The following LRRIQ1 variants were observed in gnomAD, a reference collection of about 807,000 sequenced individuals.
LRRIQ1 encodes leucine-rich repeat- and IQ domain-containing protein 1.
Under a neutral mutation model 211.9 loss-of-function variants are expected in LRRIQ1, and 210 were observed. The observed-to-expected ratio is 0.99, with a 90% CI of 0.89 to 1.11. The LOEUF is 1.11. LRRIQ1 is among the 50% of genes most tolerant of loss of function. The pLI is 0.00. For synonymous variants in LRRIQ1, 699 were observed against 650.1 expected, an observed-to-expected ratio of 1.08 and a Z score of -1.14; for missense variants, 2,136 against 1,939.5, an observed-to-expected ratio of 1.10 and a Z score of -1.90.
Position 85,056,282 on chromosome 12 carries a change from G to A in LRRIQ1, c.1489G>A (p.Val497Ile). 1.3e-6 allele frequency: 2 copies of A among 1,583,548 alleles called. No individual in the cohort carries two copies. Among genetic ancestry groups the A allele is most frequent in the East Asian group, 2.3e-5 (1 of 44,340 alleles). Residue 497 changes from valine to isoleucine, a missense_variant, in exon 8 of 27, where the codon GTC (valine) becomes ATC (isoleucine). By Grantham distance (29) the Val-to-Ile change is conservative (BLOSUM62 3). Coordinates refer to ENST00000393217, the MANE Select transcript of LRRIQ1 (RefSeq NM_001079910.2). ...LAKKRCSEEL[V>I]KQERKYENTD... is the part of the protein sequence containing the mutation. ...AAAAAAACGATGTTCAGAAGAATTG[G>A]TCAAGCAAGAAAGAAAATATGAAAA...
chr12:85,116,391 G>A (rs1366267160), intron 15 of LRRIQ1, among the ~76,000 whole-genome samples: 1 of 152,118 alleles, frequency 6.6e-6, no homozygotes, highest in African/African-American at 2.4e-5. Context: ...TGATCCGCCC[G>A]CCTCGGCCTC....
In LRRIQ1 at chr12:85,201,122, C is replaced by T. The variant is rs1961049; in HGVS notation, c.4823-28395C>T. Among the ~76,000 whole-genome samples, 755 of 152,162 alleles carry T rather than the reference C, an allele frequency of 5.0e-3. 3 individuals are homozygous for T. Among genetic ancestry groups the T allele is most frequent in the African/African-American group, 0.017 (710 of 41,516 alleles). The stretch of plus-strand genomic sequence containing the variant: ...CTGAGTTTACAGTCATGAGCCACCA[C>T]GCCTGGCCGATGGTTTAGCTTTTTG... On this transcript the variant is annotated intron_variant, in intron 24 of 26. Coordinates refer to ENST00000393217, the MANE Select transcript of LRRIQ1 (RefSeq NM_001079910.2).
the LRRIQ1 span, among the ~76,000 whole-genome samples, chr12:85,271,399 C>G: frequency 6.6e-6 from 1 of 152,132 alleles, no homozygotes; most frequent in South Asian, 2.1e-4. Flanking sequence ...TGGGGCAAAA[C>G]TGAACAAATT....
At chr12:85,170,147 A>G (rs1442523533) in intron 24 of LRRIQ1, among the ~76,000 whole-genome samples, 1 of 151,942 alleles carries the variant, frequency 6.6e-6, no homozygotes, top group Non-Finnish European at 1.5e-5. Context: ...AACCTATTCA[A>G]CTATTTTTTA....
chr12:85,163,547 T>C (rs1592908926), intron 24 of LRRIQ1, among the ~76,000 whole-genome samples: 2 of 152,118 alleles, frequency 1.3e-5, no homozygotes, highest in Admixed American at 1.3e-4. Context: ...TAACATTGTA[T>C]AAATTTAAAA....
chr12:85,211,991 G>A (rs1348448623), intron 24 of LRRIQ1, among the ~76,000 whole-genome samples: 1 of 152,172 alleles, frequency 6.6e-6, no homozygotes, highest in African/African-American at 2.4e-5. Flanking sequence ...TGGGGGCCAA[G>A]CATGGTGGTT....
intron 15 of LRRIQ1, among the ~76,000 whole-genome samples, chr12:85,120,020 A>C (rs1887859755): frequency 6.6e-6 from 1 of 152,142 alleles, no homozygotes; most frequent in Non-Finnish European, 1.5e-5. Context: ...AATTTTAATG[A>C]AGTCAAATGT....
intron 24 of LRRIQ1, among the ~76,000 whole-genome samples, chr12:85,175,603 T>C (rs1375609763): frequency 6.6e-6 from 1 of 152,174 alleles, no homozygotes; most frequent in Non-Finnish European, 1.5e-5. Context: ...TGAATGGTAA[T>C]GCCTAGGTTT....
At chr12:85,057,870 A>G (rs1881311585) in intron 8 of LRRIQ1, among the ~76,000 whole-genome samples, 2 of 152,092 alleles carry the variant, frequency 1.3e-5, no homozygotes, top group South Asian at 4.1e-4. Flanking sequence ...ATTAAAATAC[A>G]TATATTTAGC....
At chr12:85,230,938 A>G (rs1894906906) in intron 25 of LRRIQ1, among the ~76,000 whole-genome samples, 1 of 151,804 alleles carries the variant, frequency 6.6e-6, no homozygotes, top group South Asian at 2.1e-4. Context: ...AGTCCCAGCT[A>G]CTCGGAGGCT....
chr12:85,089,035 A>G (rs560447615), intron 11 of LRRIQ1, among the ~76,000 whole-genome samples: 8 of 152,268 alleles, frequency 5.3e-5, no homozygotes, highest in Non-Finnish European at 1.2e-4. Context: ...CAAAGGGAAT[A>G]CTTCCAGTTT....
chr12:85,091,989 G>T (rs1885441619), intron 11 of LRRIQ1, among the ~76,000 whole-genome samples: 1 of 152,112 alleles, frequency 6.6e-6, no homozygotes, highest in Non-Finnish European at 1.5e-5. Context: ...TACTGCCTGA[G>T]CTCCACCACC....
intron 24 of LRRIQ1, among the ~76,000 whole-genome samples, chr12:85,213,562 T>C (rs1470755148): frequency 6.6e-6 from 1 of 152,054 alleles, no homozygotes; most frequent in Non-Finnish European, 1.5e-5. Flanking sequence ...ATAGGACTTT[T>C]ATCAAACTTG....
downstream of LRRIQ1, among the ~76,000 whole-genome samples, chr12:85,246,440 A>G (rs1450784764): frequency 6.6e-6 from 1 of 151,372 alleles, no homozygotes; most frequent in Non-Finnish European, 1.5e-5. Context: ...TAGGTAAGAA[A>G]TAAGCAAATT....
At chr12:85,106,043 G>A (rs570932141) in intron 14 of LRRIQ1, among the ~76,000 whole-genome samples, 8 of 152,088 alleles carry the variant, frequency 5.3e-5, no homozygotes, top group Non-Finnish European at 8.8e-5. Flanking sequence ...TGGTCTGCCC[G>A]CCTCGGCCTC....
intron 24 of LRRIQ1, among the ~76,000 whole-genome samples, chr12:85,182,698 C>T (rs564855253): frequency 4.6e-5 from 7 of 152,182 alleles, no homozygotes; most frequent in African/African-American, 1.7e-4. Context: ...TCCACCAGCC[C>T]TTTAACATGT....
chr12:85,114,375 A>G (rs563660139), intron 15 of LRRIQ1, among the ~76,000 whole-genome samples: 1 of 152,254 alleles, frequency 6.6e-6, no homozygotes, highest in East Asian at 1.9e-4. Flanking sequence ...CAAAAATGAC[A>G]TGAATTATCT....
chr12:85,050,199 G>A (rs10746337), intron 6 of LRRIQ1, among the ~76,000 whole-genome samples: 6 of 152,138 alleles, frequency 3.9e-5, no homozygotes, highest in Non-Finnish European at 5.9e-5. Flanking sequence ...CAACACTGGG[G>A]AGTAGAGTTC....
At chr12:85,270,402 A>G in the LRRIQ1 span, among the ~76,000 whole-genome samples, 1 of 152,064 alleles carries the variant, frequency 6.6e-6, no homozygotes, top group Non-Finnish European at 1.5e-5. Context: ...TTTATAGCCT[A>G]CCTGAATAGT....
Sources: gnomAD v4.1 joint callset for allele counts (sites outside exome capture counted in the v4.1 genomes callset) on GRCh38, gnomAD v4.1.1 for gene constraint, MANE v1.5 for transcripts, NCBI Gene and HGNC (gene_info 2026-07-23, HGNC 2026-07-21) for gene names.